The following ALOX5AP variants were observed in gnomAD, a reference collection of about 807,000 sequenced individuals.
ALOX5AP encodes the protein arachidonate 5-lipoxygenase activating protein, also known as arachidonate 5-lipoxygenase-activating protein.
A neutral mutation model predicts 18.5 loss-of-function variants in ALOX5AP; 9 were observed. That is an observed-to-expected ratio of 0.49 (90% CI 0.29 to 0.85). ALOX5AP has a LOEUF of 0.85. Among genes scored for constraint, ALOX5AP ranks in the 40% least tolerant of loss-of-function variants. The pLI is 0.08. For missense variants in ALOX5AP, 172 were observed against 202.5 expected, an observed-to-expected ratio of 0.85 and a Z score of 0.91; for synonymous variants, 81 against 78.6, an observed-to-expected ratio of 1.03 and a Z score of -0.16.
intron 1 of ALOX5AP, among the ~76,000 whole-genome samples, chr13:30,737,359 C>G (rs999489986): frequency 3.3e-4 from 50 of 152,230 alleles, no homozygotes; most frequent in Admixed American, 1.8e-3. Context: ...AGGGCTTTCT[C>G]CTGGACTTTG....
rs115311894 is a variant in ALOX5AP, at chr13:30,763,003, T to C, written c.324-941T>C. ...GGATTTAGTGCCTTGGAGAGAAGGA[T>C]AGAGTATATTAAAACATGTCTCCGC... is the stretch of plus-strand genomic sequence containing the variant. On this transcript the variant is annotated intron_variant, in intron 4 of 4. Coordinates refer to ENST00000380490, the MANE Select transcript of ALOX5AP (RefSeq NM_001629.4). Among the ~76,000 whole-genome samples the C allele has an allele frequency of 7.1e-3, 1,076 of 152,216 alleles. 17 individuals are homozygous for C. Among genetic ancestry groups the C allele is most frequent in the African/African-American group, 0.025 (1,026 of 41,518 alleles).
intron 3 of ALOX5AP, 22 bp from the exon 4 acceptor site, chr13:30,755,922 G>T (rs201614405): frequency 3.0e-5 from 49 of 1,612,306 alleles, no homozygotes; most frequent in Non-Finnish European, 3.8e-5. Context: ...ACTGACACAG[G>T]TGTTTTCATT....
upstream of ALOX5AP, among the ~76,000 whole-genome samples, chr13:30,732,753 G>A (rs1369051269): frequency 2.0e-5 from 3 of 152,112 alleles, no homozygotes; most frequent in East Asian, 3.8e-4. Context: ...GAGAGAATAC[G>A]TTTGACATGC....
At chr13:30,720,076 G>A (rs1490182981) in intron 1 of ALOX5AP, among the ~76,000 whole-genome samples, 1 of 152,136 alleles carries the variant, frequency 6.6e-6, no homozygotes, top group Non-Finnish European at 1.5e-5. Context: ...TGGCCAGGGT[G>A]GTCTTGATCT....
chr13:30,752,925 G>A (rs1012073457), intron 3 of ALOX5AP, among the ~76,000 whole-genome samples: 5 of 152,264 alleles, frequency 3.3e-5, no homozygotes, highest in Non-Finnish European at 7.3e-5. Flanking sequence ...GAAGAACACA[G>A]GCAGAATGAG....
At chr13:30,758,493 G>A (rs186131215) in intron 4 of ALOX5AP, among the ~76,000 whole-genome samples, 38 of 152,292 alleles carry the variant, frequency 2.5e-4, no homozygotes, top group African/African-American at 8.2e-4. Context: ...AGCCCTGTCC[G>A]CTTAGGAAGT....
chr13:30,755,713 A>C (rs1487389702), intron 3 of ALOX5AP, among the ~76,000 whole-genome samples: 1 of 152,154 alleles, frequency 6.6e-6, no homozygotes, highest in African/African-American at 2.4e-5. Context: ...GCCACGTGCG[A>C]CCCGCAGGCT....
chr13:30,758,839 T>TCTGTCTTGCTC (rs1447370794), intron 4 of ALOX5AP, among the ~76,000 whole-genome samples: 30 of 149,734 alleles, frequency 2.0e-4, no homozygotes, highest in African/African-American at 7.1e-4. Flanking sequence ...TCACCTTACA[T>TCTGTCTTGCTC]AGTCTTGCTC....
In ALOX5AP at chr13:30,744,097, C is replaced by T; in HGVS notation, c.108C>T (p.Thr36=). 3 of 1,614,120 alleles carry T rather than the reference C, an allele frequency of 1.9e-6. No individual in the cohort carries two copies. The highest frequency in any genetic ancestry group is 2.5e-6 in the Non-Finnish European group (3 of 1,180,004). The change falls in exon 2 of 5, where the codon ACC becomes ACT. Residue 36 remains threonine, a synonymous_variant. Coordinates refer to ENST00000380490, the MANE Select transcript of ALOX5AP (RefSeq NM_001629.4). ...ATAAAGTGGAGCACGAAAGCAGGAC[C>T]CAGAATGGGAGGAGCTTCCAGAGGA... The part of the protein sequence containing the change: ...FAHKVEHESR[T]QNGRSFQRTG...
intron 1 of ALOX5AP, among the ~76,000 whole-genome samples, chr13:30,729,721 C>T (rs530064254): frequency 1.1e-4 from 16 of 152,174 alleles, no homozygotes; most frequent in Non-Finnish European, 1.8e-4. Context: ...GGATTGTAGG[C>T]GTGCACCACT....
intron 1 of ALOX5AP, among the ~76,000 whole-genome samples, chr13:30,719,091 G>C (rs2137785802): frequency 6.6e-6 from 1 of 152,248 alleles, no homozygotes; most frequent in East Asian, 1.9e-4. Flanking sequence ...TCTGAGTCCT[G>C]TCTCAGTTGT....
Position 30,755,954 on chromosome 13 carries a change from G to A in ALOX5AP, c.252G>A (p.Ala84=), listed in dbSNP as rs912865300. 3.1e-6 allele frequency: 5 copies of A among 1,614,110 alleles called. No homozygotes were observed. The highest frequency in any genetic ancestry group is 2.2e-5 in the South Asian group (2 of 91,080). The change falls in exon 4 of 5, where the codon GCG becomes GCA. Residue 84 remains alanine, a synonymous_variant. Transcript: ENST00000380490. ...AGLLCSQVPA[A]FAGLMYLFVR... ...CATTTCTCCACTTAGTTCCTGCTGC[G>A]TTTGCTGGACTGATGTACTTGTTTG...
chr13:30,730,170 C>A (rs1278537644), intron 1 of ALOX5AP, among the ~76,000 whole-genome samples: 2 of 152,222 alleles, frequency 1.3e-5, no homozygotes, highest in Non-Finnish European at 2.9e-5. Context: ...GAAGTTTAAT[C>A]AATAGCATAT....
intron 1 of ALOX5AP, among the ~76,000 whole-genome samples, chr13:30,743,729 C>A (rs1290223375): frequency 1.3e-5 from 2 of 151,958 alleles, no homozygotes; most frequent in East Asian, 3.9e-4. Context: ...CTCCTTTGAC[C>A]CTGAAAGCAC....
chr13:30,763,843 T>C, intron 4 of ALOX5AP, 101 bp from the exon 5 acceptor site: 1 of 1,115,608 alleles, frequency 9.0e-7, no homozygotes, highest in Non-Finnish European at 1.3e-6. Flanking sequence ...CAGGGAGCTA[T>C]AATTTAAACC....
intron 1 of ALOX5AP, among the ~76,000 whole-genome samples, chr13:30,724,097 A>C (rs1481471385): frequency 6.6e-6 from 1 of 152,192 alleles, no homozygotes; most frequent in Non-Finnish European, 1.5e-5. Flanking sequence ...GTCAATATCC[A>C]GCCCTAGCCC....
intron 1 of ALOX5AP, among the ~76,000 whole-genome samples, chr13:30,743,157 T>A (rs1026250326): frequency 6.6e-6 from 1 of 152,010 alleles, no homozygotes; most frequent in Non-Finnish European, 1.5e-5. Flanking sequence ...CAGGGGCAAA[T>A]CTCAATGGTC....
intron 1 of ALOX5AP, among the ~76,000 whole-genome samples, chr13:30,714,124 C>T (rs1363296968): frequency 6.6e-6 from 1 of 151,890 alleles, no homozygotes; most frequent in African/African-American, 2.4e-5. Context: ...AGGAGTTACC[C>T]CTGGAGGTAA....
chr13:30,757,256 G>A (rs570202961), intron 4 of ALOX5AP, among the ~76,000 whole-genome samples: 3 of 152,234 alleles, frequency 2.0e-5, no homozygotes, highest in East Asian at 1.9e-4. Flanking sequence ...GGAGGTCAGC[G>A]GGTGAAAGCG....
Sources: allele counts gnomAD v4.1 joint callset (sites outside exome capture counted in the v4.1 genomes callset), GRCh38; gene constraint gnomAD v4.1.1; transcripts MANE v1.5; gene names NCBI Gene and HGNC (gene_info 2026-07-23, HGNC 2026-07-21).